The following TMEM62 variants were observed in gnomAD, a reference collection of about 807,000 sequenced individuals.
TMEM62 encodes the protein transmembrane protein 62.
Under a neutral mutation model 70.4 loss-of-function variants are expected in TMEM62, and 41 were observed. The observed-to-expected ratio is 0.58, with a 90% confidence interval of 0.45 to 0.76. TMEM62 has a LOEUF of 0.76. Among genes scored for constraint, TMEM62 ranks in the 30% least tolerant of loss-of-function variants. The pLI is 0.00. For synonymous variants in TMEM62, 268 were observed against 291.0 expected, an observed-to-expected ratio of 0.92 and a Z score of 0.80; for missense variants, 688 against 788.5, an observed-to-expected ratio of 0.87 and a Z score of 1.53.
At chr15:43,161,729 C>T (rs1023939699) in intron 10 of TMEM62, among the ~76,000 whole-genome samples, 37 of 152,016 alleles carry the variant, frequency 2.4e-4, no homozygotes, top group African/African-American at 8.5e-4. Context: ...AGTGCCATCT[C>T]GGCTCACTGC....
In TMEM62 at chr15:43,183,976, C is replaced by T. The variant is rs1251617051; in HGVS notation, c.1606-284C>T. On this transcript the variant is annotated intron_variant, in intron 13 of 13. Coordinates refer to ENST00000260403, the MANE Select transcript of TMEM62 (RefSeq NM_024956.4). ...GTGTATACATTTACTCAGTTCAATTCCAGCTTAACACCATTGGGTATTAAC... is the reference window on the plus strand; with the variant it reads ...GTGTATACATTTACTCAGTTCAATTTCAGCTTAACACCATTGGGTATTAAC... The T allele has an allele frequency of 8.2e-5, 35 of 428,818 alleles. No individual in the cohort carries two copies. In the South Asian group the frequency reaches 1.2e-3, roughly 15 times the overall value. The allele number at this position is 428,818 out of a possible 1,614,324, so 26.6% of individuals were successfully genotyped here. A position where few individuals can be genotyped will look rare whatever the true frequency, so the allele number is the denominator to read the frequency against.
At chr15:43,157,987 C>G (rs1350851270) in intron 9 of TMEM62, among the ~76,000 whole-genome samples, 1 of 152,068 alleles carries the variant, frequency 6.6e-6, no homozygotes, top group Non-Finnish European at 1.5e-5. Context: ...CATCCCTTAC[C>G]TCCCCCCTCT....
intron 9 of TMEM62, among the ~76,000 whole-genome samples, chr15:43,155,147 T>C (rs1406984378): frequency 2.0e-5 from 3 of 152,178 alleles, no homozygotes; most frequent in Non-Finnish European, 4.4e-5. Context: ...GAGAATCCAC[T>C]TGAGCCCAGG....
chr15:43,179,024 C>T (rs1351391271), intron 12 of TMEM62, among the ~76,000 whole-genome samples: 4 of 152,196 alleles, frequency 2.6e-5, no homozygotes, highest in African/African-American at 7.2e-5. Context: ...GTCTATATCT[C>T]ATCACAGGTT....
Position 43,149,009 on chromosome 15 carries a change from A to G in TMEM62, c.744-20A>G. Reference sequence around the variant, plus strand: ...CGCGTTATCTTTGTTCATTTATTTCATTTATTTTTCATTGGTTAGTTCGGC... The same window carrying G: ...CGCGTTATCTTTGTTCATTTATTTCGTTTATTTTTCATTGGTTAGTTCGGC... On this transcript the variant is annotated intron_variant, in intron 6 of 13. Coordinates refer to ENST00000260403, the MANE Select transcript of TMEM62 (RefSeq NM_024956.4). 1 of 1,612,232 alleles carries G rather than the reference A, an allele frequency of 6.2e-7. No individual in the cohort carries two copies. Among genetic ancestry groups the G allele is most frequent in the Non-Finnish European group, 8.5e-7 (1 of 1,179,078 alleles).
rs201227391 is a variant in TMEM62 at position 43,135,571 on chromosome 15, T to C, written c.352T>C (p.Trp118Arg). Residue 118 changes from tryptophan (W) to arginine (R), a missense_variant, in exon 3 of 14, where the codon TGG (tryptophan) becomes CGG (arginine). Physicochemically the swap from Trp to Arg is moderately radical, Grantham distance 101 (BLOSUM62 -3). Transcript: ENST00000260403. ...GGGATCCAGGCAGCATGAGGTAGAA[T>C]GGCAAACCTACCAGGGTATTCTGAA... ...QLGSRQHEVEWQTYQGILKKT... is the reference protein window; with the variant it reads ...QLGSRQHEVERQTYQGILKKT... 1.1e-5 allele frequency: 17 copies of C among 1,611,954 alleles called. No individual in the cohort carries two copies. The highest frequency in any genetic ancestry group is 8.5e-7 in the Non-Finnish European group (1 of 1,179,674).
chr15:43,150,268 C>T (rs1217686714), intron 7 of TMEM62, among the ~76,000 whole-genome samples: 2 of 152,224 alleles, frequency 1.3e-5, no homozygotes, highest in Admixed American at 1.3e-4. Context: ...TAAGAGTTGT[C>T]TGTTCATGGC....
At chr15:43,168,552 G>A (rs1196676716) in intron 10 of TMEM62, among the ~76,000 whole-genome samples, 3 of 152,122 alleles carry the variant, frequency 2.0e-5, no homozygotes, top group Non-Finnish European at 4.4e-5. Context: ...TCAGGAATCT[G>A]CTTGGTGCTT....
intron 13 of TMEM62, among the ~76,000 whole-genome samples, chr15:43,181,783 T>A (rs1261913765): frequency 6.6e-6 from 1 of 152,270 alleles, no homozygotes; most frequent in Non-Finnish European, 1.5e-5. Context: ...ATTATAGGCG[T>A]GAGCCACCAT....
intron 7 of TMEM62, among the ~76,000 whole-genome samples, chr15:43,150,859 G>C (rs1271527076): frequency 6.6e-6 from 1 of 152,244 alleles, no homozygotes; most frequent in African/African-American, 2.4e-5. Context: ...GATACCAGGA[G>C]ACTGGGAAAT....
At chr15:43,159,771 A>G (rs1173377583) in intron 9 of TMEM62, among the ~76,000 whole-genome samples, 4 of 152,168 alleles carry the variant, frequency 2.6e-5, no homozygotes, top group African/African-American at 9.7e-5. Context: ...CCTAAAGAGC[A>G]CTGGTTTCTT....
intron 10 of TMEM62, among the ~76,000 whole-genome samples, chr15:43,162,809 T>C (rs1429863284): frequency 6.6e-6 from 1 of 152,144 alleles, no homozygotes; most frequent in Non-Finnish European, 1.5e-5. Flanking sequence ...GTATAAATAA[T>C]GCTTGTAACT....
intron 1 of TMEM62, 119 bp from the exon 2 acceptor site, chr15:43,134,138 G>A: frequency 1.4e-6 from 2 of 1,436,084 alleles, no homozygotes; most frequent in Non-Finnish European, 9.4e-7. Flanking sequence ...TTACCTGGGG[G>A]GTTCGTTATG....
chr15:43,134,420 C>G (rs773496887), intron 2 of TMEM62, 52 bp downstream of exon 2: 2 of 1,426,184 alleles, frequency 1.4e-6, no homozygotes, highest in Non-Finnish European at 2.0e-6. Flanking sequence ...CATGGTAGAA[C>G]TCTAGCCAGG....
intron 3 of TMEM62, among the ~76,000 whole-genome samples, chr15:43,137,537 A>G (rs756855691): frequency 1.3e-5 from 2 of 152,278 alleles, no homozygotes; most frequent in Non-Finnish European, 1.5e-5. Flanking sequence ...CGCCATGCCT[A>G]GCTAAGTCTG....
chr15:43,156,302 G>T (rs2038039646), intron 9 of TMEM62, among the ~76,000 whole-genome samples: 1 of 152,148 alleles, frequency 6.6e-6, no homozygotes. Flanking sequence ...TTTGTTGGGG[G>T]TAGTTTTACC....
intron 13 of TMEM62, among the ~76,000 whole-genome samples, chr15:43,183,306 T>C (rs2041546444): frequency 6.6e-6 from 1 of 152,226 alleles, no homozygotes; most frequent in African/African-American, 2.4e-5. Flanking sequence ...CTTGCCTCCT[T>C]ACTCTCAGCT....
At chr15:43,180,655 G>C (rs2041246088) in intron 12 of TMEM62, 1 of 152,208 alleles carries the variant, frequency 6.6e-6, no homozygotes, top group South Asian at 2.1e-4. Flanking sequence ...TTTCTACATG[G>C]TAACCGTGAT....
intron 10 of TMEM62, among the ~76,000 whole-genome samples, chr15:43,167,756 G>A (rs920390503): frequency 2.6e-5 from 4 of 152,202 alleles, no homozygotes; most frequent in Non-Finnish European, 5.9e-5. Context: ...TCGGCACTTT[G>A]GGAGGCCAAG....
Sources: gnomAD v4.1 joint callset for allele counts (sites outside exome capture counted in the v4.1 genomes callset) on GRCh38, gnomAD v4.1.1 for gene constraint, MANE v1.5 for transcripts, NCBI Gene and HGNC (gene_info 2026-07-23, HGNC 2026-07-21) for gene names.